The following PDE8B variants were observed in gnomAD, a reference collection of about 807,000 sequenced individuals.
The protein encoded by PDE8B is phosphodiesterase 8B, also known as high affinity cAMP-specific and IBMX-insensitive 3',5'-cyclic phosphodiesterase 8B.
A neutral mutation model predicts 101.3 loss-of-function variants in PDE8B; 26 were observed. The ratio of observed to expected loss-of-function variants is 0.26; its 90% CI spans 0.19 to 0.36. The LOEUF (loss-of-function observed/expected upper bound fraction) is 0.36, where lower values mean the gene tolerates loss of function less well. Ranked by LOEUF, PDE8B falls within the 10% of genes least tolerant of loss-of-function variation. PDE8B has a pLI of 1.00. For missense variants in PDE8B, 810 were observed against 1,163.1 expected (o/e 0.70, Z 4.42); for synonymous variants, 424 against 429.3 (o/e 0.99, Z 0.15).
At chr5:77,089,171 C>T in the PDE8B span, among the ~76,000 whole-genome samples, 7 of 152,152 alleles carry the variant, frequency 4.6e-5, no homozygotes, top group African/African-American at 1.7e-4. Context: ...GTATTTACAT[C>T]CGCTCCCCAT....
intron 2 of PDE8B, among the ~76,000 whole-genome samples, chr5:77,321,103 T>C (rs1774958579): frequency 6.6e-6 from 1 of 151,938 alleles, no homozygotes; most frequent in Non-Finnish European, 1.5e-5. Flanking sequence ...TCTGAGCCGT[T>C]TGACATCAGC....
intron 1 of PDE8B, among the ~76,000 whole-genome samples, chr5:77,244,561 A>G (rs1580534512): frequency 1.3e-5 from 2 of 152,174 alleles, no homozygotes; most frequent in East Asian, 3.9e-4. Context: ...TATATTGTAT[A>G]GAAAGCAGAG....
chr5:77,378,027 C>CAG (rs1393552133), intron 10 of PDE8B, among the ~76,000 whole-genome samples: 2 of 127,556 alleles, frequency 1.6e-5, no homozygotes, highest in Non-Finnish European at 3.4e-5. Context: ...CACACACACA[C>CAG]ACACACACAC....
At chr5:77,264,447 A>G (rs967200064) in intron 1 of PDE8B, among the ~76,000 whole-genome samples, 2 of 152,140 alleles carry the variant, frequency 1.3e-5, no homozygotes, top group African/African-American at 4.8e-5. Context: ...CCTTTTTTAT[A>G]ATAGTGGGGA....
intron 1 of PDE8B, among the ~76,000 whole-genome samples, chr5:77,257,147 G>A (rs1759353979): frequency 5.3e-5 from 8 of 152,132 alleles, no homozygotes. Context: ...AGAAAAAGGG[G>A]AATGGGGGGA....
At chr5:77,260,158 A>C (rs1348551243) in intron 1 of PDE8B, among the ~76,000 whole-genome samples, 2 of 19,308 alleles carry the variant, frequency 1.0e-4, no homozygotes, top group African/African-American at 4.4e-4. Context: ...ACTCCATCAC[A>C]AAAAAAAAAA....
intron 3 of PDE8B, among the ~76,000 whole-genome samples, chr5:77,328,631 C>T (rs1776504896): frequency 6.6e-6 from 1 of 152,158 alleles, no homozygotes; most frequent in African/African-American, 2.4e-5. Flanking sequence ...CCAGTGAGCT[C>T]CCCCAGGTAC....
At chr5:77,218,682 A>G (rs564150647) in intron 1 of PDE8B, among the ~76,000 whole-genome samples, 1 of 152,226 alleles carries the variant, frequency 6.6e-6, no homozygotes, top group African/African-American at 2.4e-5. Flanking sequence ...GAGAAGAATT[A>G]AAAAATGCAC....
Position 77,234,893 on chromosome 5 carries a change from C to G in PDE8B, c.339+23629C>G, listed in dbSNP as rs545448157. Reference sequence around the variant, plus strand: ...AGAGTAATTCCTATTTTATCTGGGACCAGTGAGGATTAAATGAGAGCATGC... The same window carrying G: ...AGAGTAATTCCTATTTTATCTGGGAGCAGTGAGGATTAAATGAGAGCATGC... On this transcript the variant is annotated intron_variant, in intron 1 of 21. Coordinates refer to ENST00000264917, the MANE Select transcript of PDE8B (RefSeq NM_003719.5). 2.0e-4 allele frequency among the ~76,000 whole-genome samples: 30 copies of G among 152,268 alleles called. No homozygotes were observed. The South Asian group carries it at 2.3e-3, about 12-fold the overall frequency.
At chr5:77,203,505 G>A in the PDE8B span, among the ~76,000 whole-genome samples, 1 of 152,140 alleles carries the variant, frequency 6.6e-6, no homozygotes, top group Non-Finnish European at 1.5e-5. Flanking sequence ...TGGCATCATG[G>A]CTGGCTGGCT....
chr5:77,331,029 A>G (rs1397174861), intron 4 of PDE8B, among the ~76,000 whole-genome samples: 1 of 152,122 alleles, frequency 6.6e-6, no homozygotes, highest in African/African-American at 2.4e-5. Flanking sequence ...TGGGAGTCAT[A>G]CTTCCAGATG....
the PDE8B span, among the ~76,000 whole-genome samples, chr5:77,184,106 A>G: frequency 3.3e-5 from 5 of 152,188 alleles, no homozygotes; most frequent in South Asian, 1.0e-3. Flanking sequence ...AGCTGGGACT[A>G]TAGGCGTGCG....
chr5:77,313,493 A>C (rs750671394), intron 2 of PDE8B, among the ~76,000 whole-genome samples: 3 of 152,226 alleles, frequency 2.0e-5, no homozygotes, highest in South Asian at 4.1e-4. Flanking sequence ...AGGCATTGAT[A>C]TCAAGGACTT....
chr5:77,138,142 G>A, the PDE8B span, among the ~76,000 whole-genome samples: 8 of 152,026 alleles, frequency 5.3e-5, no homozygotes, highest in Non-Finnish European at 1.2e-4. Flanking sequence ...CAAGTCCAAG[G>A]GCATTTATGA....
At chr5:77,201,485 G>C in the PDE8B span, among the ~76,000 whole-genome samples, 1 of 152,212 alleles carries the variant, frequency 6.6e-6, no homozygotes, top group African/African-American at 2.4e-5. Context: ...TTCAGTGTCA[G>C]CACTGGCTTT....
intron 1 of PDE8B, among the ~76,000 whole-genome samples, chr5:77,284,137 G>T (rs1352660787): frequency 1.3e-5 from 2 of 152,108 alleles, no homozygotes; most frequent in Non-Finnish European, 2.9e-5. Flanking sequence ...CTTTGGTGAG[G>T]TGTCTTTTCA....
intron 5 of PDE8B, among the ~76,000 whole-genome samples, chr5:77,335,025 C>T (rs960488251): frequency 6.6e-6 from 1 of 152,134 alleles, no homozygotes; most frequent in African/African-American, 2.4e-5. Context: ...CTTTGTTTAT[C>T]CCAACATTTT....
chr5:77,420,952 G>A (rs1405314747), intron 19 of PDE8B, among the ~76,000 whole-genome samples: 2 of 152,202 alleles, frequency 1.3e-5, no homozygotes, highest in Non-Finnish European at 2.9e-5. Flanking sequence ...CCCCCCAAAT[G>A]TCATGCAGCC....
intron 1 of PDE8B, among the ~76,000 whole-genome samples, chr5:77,252,513 G>C (rs1460100922): frequency 6.6e-6 from 1 of 152,058 alleles, no homozygotes; most frequent in Non-Finnish European, 1.5e-5. Context: ...TGGGCACGTT[G>C]GTCCTAATTT....
Sources: allele counts gnomAD v4.1 joint callset (sites outside exome capture counted in the v4.1 genomes callset), GRCh38; gene constraint gnomAD v4.1.1; transcripts MANE v1.5; gene names NCBI Gene and HGNC (gene_info 2026-07-23, HGNC 2026-07-21).